Variants in UBTD2 observed in about 807,000 individuals in gnomAD.
UBTD2 encodes ubiquitin domain containing 2.
A neutral mutation model predicts 19.8 loss-of-function variants in UBTD2; 9 were observed. The observed-to-expected ratio is 0.46, with a 90% CI of 0.27 to 0.79. The LOEUF is 0.79. Ranked by LOEUF, UBTD2 falls within the 30% of genes least tolerant of loss-of-function variation. The pLI, the probability that UBTD2 is intolerant of heterozygous loss-of-function variation, is 0.14. For synonymous variants in UBTD2, 98 were observed against 103.9 expected, an observed-to-expected ratio of 0.94 and a Z score of 0.35; for missense variants, 250 against 300.4, an observed-to-expected ratio of 0.83 and a Z score of 1.24.
At chr5:172,235,117 T>C (rs867150907) in intron 1 of UBTD2, among the ~76,000 whole-genome samples, 3 of 152,290 alleles carry the variant, frequency 2.0e-5, no homozygotes, top group Admixed American at 6.5e-5. Context: ...AAAGTTTTGT[T>C]TTGTTCATTT....
At chr5:172,266,608 G>A (rs1755379440) in intron 1 of UBTD2, among the ~76,000 whole-genome samples, 1 of 152,172 alleles carries the variant, frequency 6.6e-6, no homozygotes, top group African/African-American at 2.4e-5. Context: ...GCCCAAGAGA[G>A]GAATGAGAAA....
intron 1 of UBTD2, among the ~76,000 whole-genome samples, chr5:172,258,576 T>G (rs1755205710): frequency 6.6e-6 from 1 of 152,228 alleles, no homozygotes; most frequent in Non-Finnish European, 1.5e-5. Flanking sequence ...TATGCCCATC[T>G]TAACAATATT....
rs532721997 is a variant in UBTD2, at chr5:172,282,001, C to T, written c.70+1595G>A. 2.6e-5 allele frequency among the ~76,000 whole-genome samples: 4 copies of T among 152,258 alleles called. No individual in the cohort carries two copies. The East Asian group carries it at 5.8e-4, about 22-fold the overall frequency. On this transcript the variant is annotated intron_variant, in intron 1 of 2. Coordinates refer to ENST00000393792, the MANE Select transcript of UBTD2 (RefSeq NM_152277.3). ...TTTTTAAAGCCCATATTAATAATGC[C>T]TGTCTGGTCATAAGTCACACTACCA...
chr5:172,239,152 T>C (rs1468529173), intron 1 of UBTD2, among the ~76,000 whole-genome samples: 6 of 152,148 alleles, frequency 3.9e-5, no homozygotes, highest in African/African-American at 1.4e-4. Flanking sequence ...AATATGCAAA[T>C]CTTCTCTACT....
intron 2 of UBTD2, among the ~76,000 whole-genome samples, chr5:172,225,393 C>T (rs1490476025): frequency 2.0e-5 from 3 of 152,072 alleles, no homozygotes; most frequent in Non-Finnish European, 4.4e-5. Context: ...AAAATAAGAA[C>T]GATAAAACTA....
chr5:172,223,711 A>G (rs964842582), intron 2 of UBTD2, among the ~76,000 whole-genome samples: 2 of 151,364 alleles, frequency 1.3e-5, no homozygotes, highest in Admixed American at 1.3e-4. Flanking sequence ...AGCTAAGTCT[A>G]TTATACCCAT....
At chr5:172,255,078 G>A (rs1419485646) in intron 1 of UBTD2, 1 of 492,998 alleles carries the variant, frequency 2.0e-6, no homozygotes, top group Non-Finnish European at 4.0e-6. Context: ...ATGGACAAGT[G>A]GCACGTCAAA....
At chr5:172,282,491 G>T (rs1201078583) in intron 1 of UBTD2, among the ~76,000 whole-genome samples, 3 of 152,198 alleles carry the variant, frequency 2.0e-5, no homozygotes, top group Non-Finnish European at 1.5e-5. Context: ...GGTTTGTGAA[G>T]AGAGCTTAAG....
At chr5:172,233,998 T>C (rs182143870) in intron 2 of UBTD2, 124 bp downstream of exon 2, 2 of 959,980 alleles carry the variant, frequency 2.1e-6, no homozygotes, top group East Asian at 4.8e-5. Flanking sequence ...TGCTATTCCT[T>C]GCTACATTAA....
chr5:172,234,029 C>T (rs754627302), intron 2 of UBTD2, 93 bp downstream of exon 2: 12 of 1,303,176 alleles, frequency 9.2e-6, no homozygotes, highest in African/African-American at 1.5e-5. Context: ...TAGAATAATT[C>T]ATAGCAAGGA....
intron 1 of UBTD2, among the ~76,000 whole-genome samples, chr5:172,264,906 C>CA (rs1395773427): frequency 6.6e-6 from 1 of 151,742 alleles, no homozygotes; most frequent in African/African-American, 2.4e-5. Context: ...GAAAACAAAA[C>CA]AAAAAAAATT....
chr5:172,243,625 C>T (rs990866325), intron 1 of UBTD2, among the ~76,000 whole-genome samples: 7 of 137,700 alleles, frequency 5.1e-5, no homozygotes, highest in South Asian at 4.8e-4. Flanking sequence ...TACAATGGCG[C>T]GACCTCAGCT....
chr5:172,244,875 C>A (rs1037151408), intron 1 of UBTD2, among the ~76,000 whole-genome samples: 1 of 151,034 alleles, frequency 6.6e-6, no homozygotes, highest in African/African-American at 2.4e-5. Flanking sequence ...ATTACAGGCA[C>A]CTGCCACCAC....
rs148588218 is a variant in UBTD2, at chr5:172,241,274, G to A, written c.71-6916C>T. 6.1e-4 allele frequency among the ~76,000 whole-genome samples: 92 copies of A among 151,968 alleles called. 1 individual carries two copies. The East Asian group carries it at 0.014, about 23-fold the overall frequency. ...ACTAAAAATACAAAATTAGCCAGGC[G>A]CAGTGGTGCTTGTAATCCCAGCTAC... On this transcript the variant is annotated intron_variant, in intron 1 of 2. Coordinates refer to ENST00000393792, the MANE Select transcript of UBTD2 (RefSeq NM_152277.3).
chr5:172,225,004 A>G lies in UBTD2; in HGVS notation c.307+9118T>C, dbSNP rs190489406. 9.2e-5 allele frequency among the ~76,000 whole-genome samples: 14 copies of G among 152,324 alleles called. No homozygotes were observed. In the East Asian group the frequency reaches 2.3e-3, roughly 25 times the overall value. ...CCACTGGCCACCAAGGGTGCAGTTC[A>G]TTTAGCAATTACTAGTTTTAACATA... On this transcript the variant is annotated intron_variant, in intron 2 of 2. Coordinates refer to ENST00000393792, the MANE Select transcript of UBTD2 (RefSeq NM_152277.3).
intron 2 of UBTD2, among the ~76,000 whole-genome samples, chr5:172,216,616 AAAAG>A (rs1771547752): frequency 6.7e-6 from 1 of 150,118 alleles, no homozygotes; most frequent in African/African-American, 2.4e-5. Flanking sequence ...AAAAAAAAAA[AAAAG>A]CCAGAGGGGG....
intron 1 of UBTD2, among the ~76,000 whole-genome samples, chr5:172,236,500 A>C (rs950524250): frequency 2.0e-5 from 3 of 151,280 alleles, no homozygotes; most frequent in East Asian, 1.9e-4. Flanking sequence ...ATTCTCTAGA[A>C]GATGTTCAGA....
chr5:172,219,483 A>G (rs550085095), intron 2 of UBTD2, among the ~76,000 whole-genome samples: 3 of 152,314 alleles, frequency 2.0e-5, no homozygotes, highest in African/African-American at 7.2e-5. Context: ...CATGCTGTAT[A>G]CACCACCTGC....
chr5:172,275,769 A>G (rs1303892739), intron 1 of UBTD2, among the ~76,000 whole-genome samples: 1 of 152,178 alleles, frequency 6.6e-6, no homozygotes, highest in Non-Finnish European at 1.5e-5. Flanking sequence ...GACTCCACTT[A>G]GACATTCTTC....
Sources: allele counts gnomAD v4.1 joint callset (sites outside exome capture counted in the v4.1 genomes callset), GRCh38; gene constraint gnomAD v4.1.1; transcripts MANE v1.5; gene names NCBI Gene and HGNC (gene_info 2026-07-23, HGNC 2026-07-21).